The following ERC2 variants were observed in gnomAD, a reference collection of about 807,000 sequenced individuals.
ERC2 encodes the protein ELKS/RAB6-interacting/CAST family member 2.
Under a neutral mutation model 114.8 loss-of-function variants are expected in ERC2, and 42 were observed. The ratio of observed to expected loss-of-function variants is 0.37; its 90% CI spans 0.29 to 0.47. The LOEUF is 0.47. Ranked by LOEUF, ERC2 falls within the 20% of genes least tolerant of loss-of-function variation. ERC2 has a pLI of 0.99. For synonymous variants in ERC2, 454 were observed against 425.5 expected (o/e 1.07, Z -0.82); for missense variants, 939 against 1,150.7 (o/e 0.82, Z 2.66).
At chr3:55,828,744 C>T (rs576127648) in intron 14 of ERC2, among the ~76,000 whole-genome samples, 2 of 151,968 alleles carry the variant, frequency 1.3e-5, no homozygotes, top group South Asian at 2.1e-4. Flanking sequence ...GTAAGACAGA[C>T]TTGTGGTAGG....
At chr3:55,927,408 T>C (rs1424732015) in intron 13 of ERC2, among the ~76,000 whole-genome samples, 1 of 152,150 alleles carries the variant, frequency 6.6e-6, no homozygotes, top group African/African-American at 2.4e-5. Context: ...ATCCTTTTGT[T>C]TTTTTGCTTT....
At chr3:55,813,707 A>C (rs2059805338) in intron 14 of ERC2, among the ~76,000 whole-genome samples, 1 of 152,226 alleles carries the variant, frequency 6.6e-6, no homozygotes, top group African/African-American at 2.4e-5. Flanking sequence ...TGTAACACAA[A>C]AATGTTCAGC....
At chr3:55,915,002 T>G (rs544698163) in intron 13 of ERC2, among the ~76,000 whole-genome samples, 1 of 152,320 alleles carries the variant, frequency 6.6e-6, no homozygotes, top group East Asian at 1.9e-4. Context: ...GCCTTTCAGA[T>G]TCAGTCTTTT....
chr3:55,764,172 C>T (rs533805777), intron 14 of ERC2, among the ~76,000 whole-genome samples: 108 of 152,242 alleles, frequency 7.1e-4, no homozygotes, highest in Non-Finnish European at 1.1e-3. Context: ...CAGTGCTCTC[C>T]AAATTTTAAA....
intron 15 of ERC2, 97 bp downstream of exon 15, chr3:55,734,674 A>G: frequency 6.9e-7 from 1 of 1,453,656 alleles, no homozygotes; most frequent in Non-Finnish European, 9.2e-7. Flanking sequence ...TTGAGCCCAC[A>G]GGATGGACAT....
intron 1 of ERC2, among the ~76,000 whole-genome samples, chr3:56,436,197 G>A (rs962911537): frequency 1.3e-5 from 2 of 152,244 alleles, no homozygotes; most frequent in East Asian, 3.9e-4. Context: ...AAGGCAAACA[G>A]GTTCAAATGT....
intron 14 of ERC2, among the ~76,000 whole-genome samples, chr3:55,871,097 A>AC (rs2149282526): frequency 6.6e-6 from 1 of 152,278 alleles, no homozygotes; most frequent in South Asian, 2.1e-4. Flanking sequence ...TATGGAAACC[A>AC]CCCCACTGAC....
At chr3:55,668,985 G>A (rs535093214) in intron 17 of ERC2, among the ~76,000 whole-genome samples, 42 of 152,236 alleles carry the variant, frequency 2.8e-4, no homozygotes, top group African/African-American at 9.4e-4. Flanking sequence ...AGTATGCAAC[G>A]GTTATCCCTC....
chr3:56,096,883 C>T (rs767108750), intron 6 of ERC2, among the ~76,000 whole-genome samples: 1 of 152,178 alleles, frequency 6.6e-6, no homozygotes, highest in Non-Finnish European at 1.5e-5. Flanking sequence ...ATAGTTTTAA[C>T]AAATTTGCTC....
At chr3:56,137,348 C>T (rs1193914916) in intron 6 of ERC2, among the ~76,000 whole-genome samples, 1 of 152,118 alleles carries the variant, frequency 6.6e-6, no homozygotes, top group African/African-American at 2.4e-5. Flanking sequence ...CAAGCAGTTG[C>T]TTTTTGAATA....
chr3:55,699,601 A>G, intron 15 of ERC2, 89 bp from the exon 16 acceptor site: 6 of 1,371,206 alleles, frequency 4.4e-6, no homozygotes, highest in Non-Finnish European at 5.8e-6. Context: ...ACCTATAGGG[A>G]TCCCTTTGTT....
intron 6 of ERC2, among the ~76,000 whole-genome samples, chr3:56,104,435 C>T (rs1052256528): frequency 6.6e-6 from 1 of 152,202 alleles, no homozygotes; most frequent in African/African-American, 2.4e-5. Flanking sequence ...GACCTATAAA[C>T]ATTTCACCTC....
chr3:56,392,534 G>A (rs934365449), intron 2 of ERC2, among the ~76,000 whole-genome samples: 1 of 152,092 alleles, frequency 6.6e-6, no homozygotes, highest in Non-Finnish European at 1.5e-5. Flanking sequence ...TTTGTCTAAA[G>A]GTACTGGAAC....
chr3:56,092,906 G>A lies in ERC2; in HGVS notation c.1474-11922C>T, dbSNP rs575863424. On this transcript the variant is annotated intron_variant, in intron 6 of 17. Coordinates refer to ENST00000288221, the MANE Select transcript of ERC2 (RefSeq NM_015576.3). ...CATAAAATTTTAAAATATTGATCCC[G>A]CTTAGATATGCCATGAATTTTCTAA... Among the ~76,000 whole-genome samples the A allele has an allele frequency of 3.3e-5, 5 of 152,196 alleles. No homozygotes were observed. The South Asian group carries it at 8.3e-4, about 25-fold the overall frequency.
At chr3:55,885,781 T>G (rs988231453) in intron 14 of ERC2, among the ~76,000 whole-genome samples, 2 of 152,242 alleles carry the variant, frequency 1.3e-5, no homozygotes, top group Non-Finnish European at 2.9e-5. Flanking sequence ...TATCATTTTC[T>G]GTGTGCCAAA....
At chr3:56,458,392 A>G (rs1348449643) in intron 1 of ERC2, among the ~76,000 whole-genome samples, 1 of 152,220 alleles carries the variant, frequency 6.6e-6, no homozygotes, top group East Asian at 1.9e-4. Context: ...TCTGTATCCA[A>G]AAGAATCTGC....
At chr3:55,738,815 G>T (rs1416213331) in intron 14 of ERC2, among the ~76,000 whole-genome samples, 1 of 152,100 alleles carries the variant, frequency 6.6e-6, no homozygotes. Context: ...AGAATGTGCA[G>T]GTTTGTTACA....
At chr3:56,004,404 A>G (rs555919011) in intron 10 of ERC2, among the ~76,000 whole-genome samples, 31 of 152,150 alleles carry the variant, frequency 2.0e-4, no homozygotes, top group African/African-American at 7.2e-4. Flanking sequence ...TTCCTCACAC[A>G]TGAACATTTA....
intron 6 of ERC2, among the ~76,000 whole-genome samples, chr3:56,086,518 T>A (rs2149773838): frequency 6.6e-6 from 1 of 151,720 alleles, no homozygotes; most frequent in South Asian, 2.1e-4. Flanking sequence ...AAGATGAAAC[T>A]TTGACATGAA....
Sources: allele counts gnomAD v4.1 joint callset (sites outside exome capture counted in the v4.1 genomes callset), GRCh38; gene constraint gnomAD v4.1.1; transcripts MANE v1.5; gene names NCBI Gene and HGNC (gene_info 2026-07-23, HGNC 2026-07-21).